The following NKX3-2 variants were observed in gnomAD, a reference collection of about 807,000 sequenced individuals.
NKX3-2 encodes the protein homeobox protein Nkx-3.2.
In NKX3-2, 13 loss-of-function variants were observed where a neutral mutation model predicts 19.4. That is an observed-to-expected ratio of 0.67 (90% confidence interval 0.44 to 1.07). The LOEUF (loss-of-function observed/expected upper bound fraction) is 1.07. Among genes scored for constraint, NKX3-2 ranks in the 50% least tolerant of loss-of-function variants. NKX3-2 has a pLI of 0.00. For synonymous variants in NKX3-2, 269 were observed against 230.5 expected, an observed-to-expected ratio of 1.17 and a Z score of -1.51; for missense variants, 562 against 488.2, an observed-to-expected ratio of 1.15 and a Z score of -1.42.
Position 13,543,825 on chromosome 4 carries a change from G to C in NKX3-2, c.466+124C>G. 1 of 898,264 alleles carries C rather than the reference G, an allele frequency of 1.1e-6. No homozygotes were observed. The highest frequency in any genetic ancestry group is 1.9e-5 in the South Asian group (1 of 51,872). The allele number at this position is 898,264 out of a possible 1,614,324, so 55.6% of individuals were successfully genotyped here. Reference sequence around the variant, plus strand: ...AGCTCGCGCCAGAGCGCAGAACTTCGGGATTTGGCCAGCCTCCGAGCCCCA... The same window carrying C: ...AGCTCGCGCCAGAGCGCAGAACTTCCGGATTTGGCCAGCCTCCGAGCCCCA... On this transcript the variant is annotated intron_variant, in intron 1 of 1. Coordinates refer to ENST00000382438, the MANE Select transcript of NKX3-2 (RefSeq NM_001189.4). This position sits in a 1 kb window ranked among gnomAD's most constrained non-coding sequence, Gnocchi z 7.1.
At chr4:13,544,664 C>T (rs1193772495), upstream of NKX3-2, 2 of 285,748 alleles carry the variant, frequency 7.0e-6, no homozygotes, top group Non-Finnish European at 1.3e-5. Context: ...AGACGCTCTC[C>T]TTTCGCAGCT....
chr4:13,546,669 T>C, upstream of NKX3-2: 1 of 352,796 alleles, frequency 2.8e-6, no homozygotes, highest in East Asian at 7.4e-5. Context: ...TGGAGTGAGA[T>C]CCGAACATAA....
rs769743693 is a variant in NKX3-2 at position 13,542,326 on chromosome 4, G to A, written c.669C>T (p.Arg223=). 6 of 1,584,968 alleles carry A rather than the reference G, an allele frequency of 3.8e-6. No individual in the cohort carries two copies. The African/African-American group carries it at 6.8e-5, about 18-fold the overall frequency. ...ACAGGTAGCGCTGGTGGTTAAAGCG[G>A]CGCTCCAGCTCGAAGACCTGCGCGT... is the stretch of plus-strand genomic sequence containing the variant. ...FSHAQVFELE[R]RFNHQRYLSG... is the part of the protein sequence containing the mutation. Residue 223 remains arginine, a synonymous_variant, in exon 2 of 2, where the codon CGC becomes CGT. Transcript: ENST00000382438. This position sits in a 1 kb window ranked among gnomAD's most constrained non-coding sequence, Gnocchi z 6.4.
chr4:13,544,440 CG>C lies in NKX3-2; in HGVS notation c.-27del. On this transcript the variant is annotated 5_prime_UTR_variant, in exon 1 of 2. Transcript: ENST00000382438. ...CTGCGCCGCGGGCAGGAGCGGCCGG[CG>C]GGGCGGGCAGCTGGGGCGCCGAGCA... 2 of 1,459,184 alleles carry C rather than the reference CG, an allele frequency of 1.4e-6. No homozygotes were observed. Among genetic ancestry groups the C allele is most frequent in the Non-Finnish European group, 9.0e-7 (1 of 1,111,264 alleles). 90.4% of individuals were successfully genotyped at this position (1,459,184 alleles called of 1,614,324 possible). A position where few individuals can be genotyped will look rare whatever the true frequency, so the allele number is the denominator to read the frequency against.
In NKX3-2 at chr4:13,542,650, G is replaced by A; in HGVS notation, c.467-122C>T. 7.5e-7 allele frequency: 1 copy of A among 1,340,888 alleles called. No individual in the cohort carries two copies. The allele number at this position is 1,340,888 out of a possible 1,614,324, so 83.1% of individuals were successfully genotyped here. A position where few individuals can be genotyped will look rare whatever the true frequency, so the allele number is the denominator to read the frequency against. On this transcript the variant is annotated intron_variant, in intron 1 of 1. Transcript: ENST00000382438. The surrounding 1 kb of genome is among the most constrained non-coding windows in gnomAD (Gnocchi z 6.4). ...AATACACTTTGATCCCACTCAAGCG[G>A]AGCGGAGGTCTGGGAGGCCCTGGGC...
chr4:13,547,244 G>A (rs1472619126), upstream of NKX3-2: 3 of 456,216 alleles, frequency 6.6e-6, no homozygotes, highest in South Asian at 4.6e-5. Flanking sequence ...AGGCGCAGCA[G>A]GCCTGCGCCT....
rs369274169 is a variant in NKX3-2 at position 13,544,445 on chromosome 4, C to A, written c.-31G>T. On this transcript the variant is annotated 5_prime_UTR_variant, in exon 1 of 2. Transcript: ENST00000382438. ...CCGCGGGCAGGAGCGGCCGGCGGGG[C>A]GGGCAGCTGGGGCGCCGAGCAGCTC... is the stretch of plus-strand genomic sequence containing the variant. 183 of 1,450,868 alleles carry A rather than the reference C, an allele frequency of 1.3e-4. 1 individual carries two copies. The South Asian group carries it at 2.3e-3, about 18-fold the overall frequency. The allele number at this position is 1,450,868 out of a possible 1,614,324, so 89.9% of individuals were successfully genotyped here. A position where few individuals can be genotyped will look rare whatever the true frequency, so the allele number is the denominator to read the frequency against.
Position 13,541,629 on chromosome 4 carries a change from A to T in NKX3-2, c.*364T>A. The T allele has an allele frequency of 8.7e-6, 2 of 230,416 alleles. No individual in the cohort carries two copies. Among genetic ancestry groups the T allele is most frequent in the East Asian group, 9.5e-5 (1 of 10,566 alleles). 14.3% of individuals were successfully genotyped at this position (230,416 alleles called of 1,614,324 possible). A position where few individuals can be genotyped will look rare whatever the true frequency, so the allele number is the denominator to read the frequency against. On this transcript the variant is annotated 3_prime_UTR_variant, in exon 2 of 2. Transcript: ENST00000382438. ...AGCAGGCCTGAAATTCTGAGGATTC[A>T]GGCTATGTGGTCTCCAGGAGTTGCC...
At position 13,540,833 on chromosome 4, in the gene NKX3-2, T is replaced by A. The variant is rs752751886; in HGVS notation, c.*1160A>T. On this transcript the variant is annotated 3_prime_UTR_variant, in exon 2 of 2. Coordinates refer to ENST00000382438, the MANE Select transcript of NKX3-2 (RefSeq NM_001189.4). ...AGAAAACGCGGCGTCCAGGAGGGCATGTTAAACTAAAAGTTTATAAATTAA... is the reference window on the plus strand; with the variant it reads ...AGAAAACGCGGCGTCCAGGAGGGCAAGTTAAACTAAAAGTTTATAAATTAA... 6.6e-6 allele frequency: 1 copy of A among 152,230 alleles called. No individual in the cohort carries two copies. The highest frequency in any genetic ancestry group is 6.5e-5 in the Admixed American group (1 of 15,284). 9.4% of individuals were successfully genotyped at this position (152,230 alleles called of 1,614,324 possible).
In NKX3-2 at chr4:13,544,232, G is replaced by A. The variant is rs1490457322; in HGVS notation, c.183C>T (p.Gly61=). Residue 61 remains glycine (G), a synonymous_variant, in exon 1 of 2, where the codon GGC becomes GGT. Transcript: ENST00000382438. ...GAGAGTCCTCGGCGCCCCCCAACGCGCCCGCGTCCCTCTCCCCAAAGAGCC... is the reference window on the plus strand; with the variant it reads ...GAGAGTCCTCGGCGCCCCCCAACGCACCCGCGTCCCTCTCCCCAAAGAGCC... The part of the protein sequence containing the change: ...CWRLFGERDA[G]ALGGAEDSLL... 2.5e-6 allele frequency: 4 copies of A among 1,589,136 alleles called. No individual in the cohort carries two copies. Among genetic ancestry groups the A allele is most frequent in the East Asian group, 4.6e-5 (2 of 43,870 alleles).
Position 13,542,677 on chromosome 4 carries a change from C to G in NKX3-2, c.467-149G>C, listed in dbSNP as rs944070404. 5.7e-6 allele frequency: 6 copies of G among 1,045,800 alleles called. No homozygotes were observed. Among genetic ancestry groups the G allele is most frequent in the African/African-American group, 3.1e-5 (2 of 63,854 alleles). 64.8% of individuals were successfully genotyped at this position (1,045,800 alleles called of 1,614,324 possible). ...GCGGAGGTCTGGGAGGCCCTGGGCC[C>G]GGGAGACCAGTCTTAGACTCTTGCC... On this transcript the variant is annotated intron_variant, in intron 1 of 1. Transcript: ENST00000382438. The surrounding 1 kb of genome is among the most constrained non-coding windows in gnomAD (Gnocchi z 6.4).
rs1247188547 is a variant in NKX3-2, at chr4:13,544,190, G to A, written c.225C>T (p.Ala75=). The A allele has an allele frequency of 2.5e-6, 4 of 1,602,542 alleles. No homozygotes were observed. Among genetic ancestry groups the A allele is most frequent in the Non-Finnish European group, 2.5e-6 (3 of 1,178,854 alleles). ...GAEDSLLASP[A]GTRTAAGRTA... is the part of the protein sequence containing the mutation. ...TCCGCCCCGCAGCTGTTCTGGTACC[G>A]GCAGGAGACGCCAGCAGAGAGTCCT... The change falls in exon 1 of 2, where the codon GCC becomes GCT. Residue 75 remains alanine, a synonymous_variant. Transcript: ENST00000382438.
In NKX3-2 at chr4:13,542,577, C is replaced by T. The variant is rs766129161; in HGVS notation, c.467-49G>A. ...AACAAGAGACTGTCAGCGCCACAGA[C>T]GAGGTGAGGCCGGGCCTCAACTGCA... is the stretch of plus-strand genomic sequence containing the variant. On this transcript the variant is annotated intron_variant, in intron 1 of 1. Transcript: ENST00000382438. This position sits in a 1 kb window ranked among gnomAD's most constrained non-coding sequence, Gnocchi z 6.4. 2.5e-6 allele frequency: 4 copies of T among 1,593,128 alleles called. No homozygotes were observed. The highest frequency in any genetic ancestry group is 2.2e-5 in the East Asian group (1 of 44,822).
Position 13,540,872 on chromosome 4 carries a change from C to G in NKX3-2, c.*1121G>C, listed in dbSNP as rs1717967468. On this transcript the variant is annotated 3_prime_UTR_variant, in exon 2 of 2. Transcript: ENST00000382438. ...TTTATAAATTAAAGAAAAAATACAG[C>G]GAATAGAGCTTCCAAACTTCACAAA... 1 of 152,190 alleles carries G rather than the reference C, an allele frequency of 6.6e-6. No homozygotes were observed. Among genetic ancestry groups the G allele is most frequent in the Non-Finnish European group, 1.5e-5 (1 of 68,054 alleles). The allele number at this position is 152,190 out of a possible 1,614,324, so 9.4% of individuals were successfully genotyped here.
chr4:13,544,610 A>G, upstream of NKX3-2: 1 of 324,702 alleles, frequency 3.1e-6, no homozygotes, highest in East Asian at 5.1e-5. Flanking sequence ...CCCACCTTAG[A>G]GGCCCACCCC....
chr4:13,545,453 CCT>C (rs1491386458), upstream of NKX3-2, among the ~76,000 whole-genome samples: 1 of 152,202 alleles, frequency 6.6e-6, no homozygotes, highest in African/African-American at 2.4e-5. Context: ...CAAAATGCAT[CCT>C]TTTTTTTCTC....
chr4:13,545,383 C>A (rs1331913993), upstream of NKX3-2, among the ~76,000 whole-genome samples: 3 of 152,352 alleles, frequency 2.0e-5, no homozygotes, highest in South Asian at 4.1e-4. Context: ...CAAGATAATG[C>A]AGTTCCATAA....
upstream of NKX3-2, among the ~76,000 whole-genome samples, chr4:13,545,625 G>A (rs972446842): frequency 3.9e-5 from 6 of 152,136 alleles, no homozygotes; most frequent in Admixed American, 2.0e-4. Flanking sequence ...CTAAAGTCAG[G>A]AGAAGAATTG....
At position 13,542,344 on chromosome 4, in the gene NKX3-2, C is replaced by A; in HGVS notation, c.651G>T (p.Gln217His). The change falls in exon 2 of 2, where the codon CAG becomes CAT. Residue 217 changes from glutamine to histidine, a missense_variant. Coordinates refer to ENST00000382438, the MANE Select transcript of NKX3-2 (RefSeq NM_001189.4). This position sits in a 1 kb window ranked among gnomAD's most constrained non-coding sequence, Gnocchi z 6.4. The part of the protein sequence containing the change: ...KRSRAAFSHA[Q>H]VFELERRFNH... ...TAAAGCGGCGCTCCAGCTCGAAGAC[C>A]TGCGCGTGGGAGAAAGCGGCCCGCG... 1 of 1,556,874 alleles carries A rather than the reference C, an allele frequency of 6.4e-7. No individual in the cohort carries two copies. Among genetic ancestry groups the A allele is most frequent in the East Asian group, 2.4e-5 (1 of 42,310 alleles).
Sources: gnomAD v4.1 joint callset for allele counts (sites outside exome capture counted in the v4.1 genomes callset) on GRCh38, gnomAD v4.1.1 for gene constraint, Gnocchi (gnomAD v3.1) non-coding constraint, MANE v1.5 for transcripts, NCBI Gene and HGNC (gene_info 2026-07-23, HGNC 2026-07-21) for gene names.